FOXN1: variants seen among roughly 807,000 people sequenced by gnomAD.
FOXN1 encodes the protein forkhead box N1.
A neutral mutation model predicts 49.0 loss-of-function variants in FOXN1; 15 were observed. That is an observed-to-expected ratio of 0.31 (90% confidence interval 0.20 to 0.47). The LOEUF is 0.47. Among genes scored for constraint, FOXN1 ranks in the 20% least tolerant of loss-of-function variants. The pLI is 1.00. For synonymous variants in FOXN1, 356 were observed against 369.0 expected, an observed-to-expected ratio of 0.96 and a Z score of 0.40; for missense variants, 800 against 842.8, an observed-to-expected ratio of 0.95 and a Z score of 0.63.
chr17:28,524,776 G>A lies in FOXN1; in HGVS notation c.397G>A (p.Asp133Asn). 1 of 1,613,542 alleles carries A rather than the reference G, an allele frequency of 6.2e-7. No individual in the cohort carries two copies. The highest frequency in any genetic ancestry group is 8.5e-7 in the Non-Finnish European group (1 of 1,179,890). Residue 133 changes from aspartate to asparagine, a missense_variant, in exon 3 of 9, where the codon GAC becomes AAC. By Grantham distance (23) the Asp-to-Asn change is conservative. Around this residue, in one of 3 missense-constraint regions of FOXN1, gnomAD observed 383 missense variants for 357.9 expected, o/e 1.07. Transcript: ENST00000579795. ...CCCGTACAAGCGGCCTTTCCATGAGGACGTCTTCCCAGAGGCCGAGACCAC... is the reference window on the plus strand; with the variant it reads ...CCCGTACAAGCGGCCTTTCCATGAGAACGTCTTCCCAGAGGCCGAGACCAC... ...FHPYKRPFHE[D>N]VFPEAETTLA...
Position 28,535,018 on chromosome 17 carries a change from G to A in FOXN1, c.1447G>A (p.Ala483Thr). 1 of 1,613,654 alleles carries A rather than the reference G, an allele frequency of 6.2e-7. No individual in the cohort carries two copies. Among genetic ancestry groups the A allele is most frequent in the Non-Finnish European group, 8.5e-7 (1 of 1,179,848 alleles). Reference sequence around the variant, plus strand: ...GCCGGACGGGCACCTTGAGCTGCGGGCCCAGCCAGGCACCCCCCAGGACTC... The same window carrying A: ...GCCGGACGGGCACCTTGAGCTGCGGACCCAGCCAGGCACCCCCCAGGACTC... ...PQPDGHLELR[A>T]QPGTPQDSPL... The change falls in exon 8 of 9, where the codon GCC (alanine) becomes ACC (threonine). Residue 483 changes from alanine to threonine, a missense_variant. Coordinates refer to ENST00000579795, the MANE Select transcript of FOXN1 (RefSeq NM_001369369.1).
intron 6 of FOXN1, among the ~76,000 whole-genome samples, chr17:28,532,717 G>C (rs1459101370): frequency 6.6e-6 from 1 of 152,236 alleles, no homozygotes; most frequent in Non-Finnish European, 1.5e-5. Flanking sequence ...GGCAGCTGCT[G>C]TGGGCATCCC....
At chr17:28,513,706 G>A (rs1042216190) in intron 1 of FOXN1, among the ~76,000 whole-genome samples, 20 of 152,352 alleles carry the variant, frequency 1.3e-4, no homozygotes, top group Non-Finnish European at 2.9e-5. Flanking sequence ...TTTATACCTC[G>A]ATGGAGGCTC....
chr17:28,533,690 T>C (rs1270456079), intron 6 of FOXN1, among the ~76,000 whole-genome samples: 1 of 152,214 alleles, frequency 6.6e-6, no homozygotes, highest in African/African-American at 2.4e-5. Context: ...TATGCCAGGA[T>C]GACACACTTA....
intron 1 of FOXN1, among the ~76,000 whole-genome samples, chr17:28,521,686 AC>A (rs1199113968): frequency 6.6e-6 from 1 of 152,134 alleles, no homozygotes; most frequent in East Asian, 1.9e-4. Flanking sequence ...CCAGGCCCCC[AC>A]CTAGACCCCG....
intron 1 of FOXN1, among the ~76,000 whole-genome samples, chr17:28,517,163 C>CCATACCTCAAAAGGGTA (rs2069527807): frequency 1.1e-5 from 1 of 94,010 alleles, no homozygotes; most frequent in African/African-American, 4.1e-5. Context: ...TCCACAGGAT[C>CCATACCTCAAAAGGGTA]CACACCTCCA....
At position 28,530,846 on chromosome 17, in the gene FOXN1, G is replaced by GTGAA. The variant is rs1209370775; in HGVS notation, c.927+4_927+5insATGA. ...GACGGAGCACTTTCCTTACTTCAAG[G>GTGAA]TGAGCCCAAGATTCCTCCCCATCCC... On this transcript the variant is annotated splice_donor_variant, in intron 6 of 8. Transcript: ENST00000579795. LOFTEE classifies it high-confidence loss of function. 2.6e-6 allele frequency: 4 copies of GTGAA among 1,554,890 alleles called. No homozygotes were observed. Among genetic ancestry groups the GTGAA allele is most frequent in the Non-Finnish European group, 3.6e-6 (4 of 1,126,010 alleles).
At chr17:28,511,768 C>T (rs1472400762) in intron 1 of FOXN1, among the ~76,000 whole-genome samples, 2 of 151,962 alleles carry the variant, frequency 1.3e-5, no homozygotes, top group African/African-American at 2.4e-5. Flanking sequence ...TCCTGCAGTC[C>T]TTGGTCGGGA....
chr17:28,529,149 A>G lies in FOXN1; in HGVS notation c.755A>G (p.Gln252Arg), dbSNP rs1270404915. The G allele has an allele frequency of 1.2e-6, 2 of 1,614,182 alleles. No homozygotes were observed. Among genetic ancestry groups the G allele is most frequent in the Admixed American group, 3.3e-5 (2 of 60,026 alleles). Residue 252 changes from glutamine to arginine, a missense_variant, in exon 5 of 9, where the codon CAG becomes CGG. Physicochemically the swap from Gln to Arg is conservative, Grantham distance 43. Transcript: ENST00000579795. ...PIPYLGSSHY[Q>R]YQRMAPQAST... ...CCCTACCTGGGCTCCTCACACTATC[A>G]GTACCAGCGAATGGCACCCCAGGCC...
At chr17:28,508,907 T>TGCA (rs369999383) in intron 1 of FOXN1, among the ~76,000 whole-genome samples, 135 of 152,226 alleles carry the variant, frequency 8.9e-4, no homozygotes, top group African/African-American at 3.1e-3. Context: ...GATTGGCTTC[T>TGCA]GCAGCAGGAG....
rs1011590004 is a variant in FOXN1, at chr17:28,523,554, C to G, written c.-14-402C>G. Among the ~76,000 whole-genome samples, 14 of 152,130 alleles carry G rather than the reference C, an allele frequency of 9.2e-5. No homozygotes were observed. In the South Asian group the frequency reaches 1.7e-3, roughly 18 times the overall value. On this transcript the variant is annotated intron_variant, in intron 1 of 8. Transcript: ENST00000579795. ...CTGAATGGAGACCACCTGCTGTGGTCACCTTGCCAGGCCCTTCTCTGTAGA... is the reference window on the plus strand; with the variant it reads ...CTGAATGGAGACCACCTGCTGTGGTGACCTTGCCAGGCCCTTCTCTGTAGA...
chr17:28,517,258 A>G (rs543367076), intron 1 of FOXN1, among the ~76,000 whole-genome samples: 5 of 134,866 alleles, frequency 3.7e-5, no homozygotes, highest in East Asian at 2.3e-4. Flanking sequence ...CCATACCTCC[A>G]CAGGGACACA....
chr17:28,524,065 C>A lies in FOXN1; in HGVS notation c.96C>A (p.Gly32=), dbSNP rs1268616930. The change falls in exon 2 of 9, where the codon GGC becomes GGA. Residue 32 remains glycine, a synonymous_variant. Coordinates refer to ENST00000579795, the MANE Select transcript of FOXN1 (RefSeq NM_001369369.1). The stretch of plus-strand genomic sequence containing the variant: ...AAGGGGACCTCATGCAGGCACCGGG[C>A]CTCCCAGGCTCCCCTGCCCCACAGA... ...ERQGDLMQAP[G]LPGSPAPQSK... is the part of the protein sequence containing the mutation. 1.4e-5 allele frequency: 23 copies of A among 1,608,314 alleles called. No individual in the cohort carries two copies. The highest frequency in any genetic ancestry group is 1.6e-5 in the Non-Finnish European group (19 of 1,178,676).
chr17:28,532,824 TG>T (rs1411924200), intron 6 of FOXN1, among the ~76,000 whole-genome samples: 1 of 152,100 alleles, frequency 6.6e-6, no homozygotes. Context: ...AGGAAGTGGC[TG>T]GGGTGGGGGC....
intron 1 of FOXN1, among the ~76,000 whole-genome samples, chr17:28,518,842 T>A (rs1186641647): frequency 6.6e-6 from 1 of 152,190 alleles, no homozygotes; most frequent in Non-Finnish European, 1.5e-5. Context: ...CCTGCGCAGG[T>A]CATTTCTTCT....
At chr17:28,507,516 C>T (rs1418904909) in intron 1 of FOXN1, among the ~76,000 whole-genome samples, 2 of 152,210 alleles carry the variant, frequency 1.3e-5, no homozygotes, top group Admixed American at 6.5e-5. Context: ...CTATGCCAGT[C>T]ATTGCCCACA....
rs1187715723 is a variant in FOXN1, at chr17:28,537,884, CA to C, written c.*449del. ...TTACCAAAAGCTCAGGGCCCTGTGC[CA>C]GGCCAAAGATCCCCCCAGACCCCCA... On this transcript the variant is annotated 3_prime_UTR_variant, in exon 9 of 9. Coordinates refer to ENST00000579795, the MANE Select transcript of FOXN1 (RefSeq NM_001369369.1). The C allele has an allele frequency of 8.0e-6, 2 of 251,230 alleles. No homozygotes were observed. Among genetic ancestry groups the C allele is most frequent in the Non-Finnish European group, 1.6e-5 (2 of 126,236 alleles). The allele number at this position is 251,230 out of a possible 1,614,324, so 15.6% of individuals were successfully genotyped here.
At chr17:28,532,029 C>T (rs2151495057) in intron 6 of FOXN1, among the ~76,000 whole-genome samples, 1 of 152,164 alleles carries the variant, frequency 6.6e-6, no homozygotes, top group African/African-American at 2.4e-5. Flanking sequence ...GCCCTCCATA[C>T]CCCAGCAGGT....
At chr17:28,522,899 AT>A (rs1478839896) in intron 1 of FOXN1, among the ~76,000 whole-genome samples, 1 of 151,806 alleles carries the variant, frequency 6.6e-6, no homozygotes, top group Non-Finnish European at 1.5e-5. Flanking sequence ...ACTGGCATTT[AT>A]GGGGCACGGA....
Sources: allele counts gnomAD v4.1 joint callset (sites outside exome capture counted in the v4.1 genomes callset), GRCh38; gene constraint gnomAD v4.1.1; regional missense constraint gnomAD v4.1.1; transcripts MANE v1.5; gene names NCBI Gene and HGNC (gene_info 2026-07-23, HGNC 2026-07-21).